The following ITPRID1 variants were observed in gnomAD, a reference collection of about 807,000 sequenced individuals.
ITPRID1 encodes the protein protein ITPRID1.
ITPRID1 carries 96 observed loss-of-function variants against 95.4 expected under a neutral mutation model. The ratio of observed to expected loss-of-function variants is 1.01; its 90% CI spans 0.85 to 1.19. The LOEUF (loss-of-function observed/expected upper bound fraction) is 1.19, where lower values mean the gene tolerates loss of function less well. Ranked by LOEUF, ITPRID1 falls within the 50% of genes most tolerant of loss-of-function variation. The pLI is 0.00. For missense variants in ITPRID1, 1,339 were observed against 1,252.9 expected (o/e 1.07, Z -1.04); for synonymous variants, 510 against 453.6 (o/e 1.12, Z -1.58).
At chr7:31,647,710 A>AGAC (rs1554299906) in intron 12 of ITPRID1, among the ~76,000 whole-genome samples, 4 of 149,668 alleles carry the variant, frequency 2.7e-5, no homozygotes, top group Non-Finnish European at 4.5e-5. Flanking sequence ...AGGAAGAAGA[A>AGAC]GACGATGACG....
At chr7:31,610,518 T>C (rs539854912) in intron 10 of ITPRID1, among the ~76,000 whole-genome samples, 1 of 151,746 alleles carries the variant, frequency 6.6e-6, no homozygotes, top group Admixed American at 6.6e-5. Flanking sequence ...GTTGGTCTTC[T>C]AATTGTTTCA....
At chr7:31,600,272 A>G (rs1786336693) in intron 10 of ITPRID1, among the ~76,000 whole-genome samples, 1 of 152,212 alleles carries the variant, frequency 6.6e-6, no homozygotes, top group Non-Finnish European at 1.5e-5. Context: ...ATATAACAAT[A>G]TGTATCAGAA....
intron 10 of ITPRID1, among the ~76,000 whole-genome samples, chr7:31,611,941 C>T (rs1045286897): frequency 6.6e-6 from 1 of 151,726 alleles, no homozygotes; most frequent in Admixed American, 6.6e-5. Context: ...ATTCTTTATG[C>T]CTTTTTCTTT....
intron 1 of ITPRID1, among the ~76,000 whole-genome samples, chr7:31,538,655 T>C (rs752296958): frequency 6.6e-6 from 1 of 152,244 alleles, no homozygotes; most frequent in East Asian, 1.9e-4. Context: ...ATATTTTTCA[T>C]AATTACATTT....
At chr7:31,587,092 C>A (rs1366316908) in intron 10 of ITPRID1, among the ~76,000 whole-genome samples, 1 of 152,110 alleles carries the variant, frequency 6.6e-6, no homozygotes, top group South Asian at 2.1e-4. Context: ...ACAGGGATGC[C>A]CTCTCTCACC....
chr7:31,526,386 G>A (rs1000868246), intron 1 of ITPRID1, among the ~76,000 whole-genome samples: 4 of 152,150 alleles, frequency 2.6e-5, no homozygotes, highest in African/African-American at 4.8e-5. Context: ...CCTACGTTGC[G>A]AGTCAGAGAG....
chr7:31,547,581 G>A (rs1015107941), intron 1 of ITPRID1, among the ~76,000 whole-genome samples: 11 of 152,036 alleles, frequency 7.2e-5, no homozygotes, highest in African/African-American at 2.4e-4. Context: ...CTCGATATGG[G>A]GACTATAGGA....
In ITPRID1 at chr7:31,555,527, AT is replaced by A. The variant is rs1259762121; in HGVS notation, c.256+630del. Among the ~76,000 whole-genome samples, 5 of 125,240 alleles carry A rather than the reference AT, an allele frequency of 4.0e-5. No homozygotes were observed. The South Asian group carries it at 8.6e-4, about 21-fold the overall frequency. The allele number at this position is 125,240 out of a possible 152,430, so 82.2% of individuals were successfully genotyped here. On this transcript the variant is annotated intron_variant, in intron 5 of 14. Transcript: ENST00000615280. Reference sequence around the variant, plus strand: ...CCCTTCAATTATAAAATGCATTCATATTTTAAGTACCATTTAGAAAAAAAAA... The same window carrying A: ...CCCTTCAATTATAAAATGCATTCATATTTAAGTACCATTTAGAAAAAAAAA...
At chr7:31,545,030 G>A (rs1300529600) in intron 1 of ITPRID1, among the ~76,000 whole-genome samples, 2 of 152,140 alleles carry the variant, frequency 1.3e-5, no homozygotes, top group African/African-American at 4.8e-5. Flanking sequence ...GGTGGGAAAG[G>A]CAGAGATGAA....
chr7:31,539,904 C>G (rs12667113), intron 1 of ITPRID1, among the ~76,000 whole-genome samples: 37,416 of 151,358 alleles, frequency 0.25, 4,797 homozygotes, highest in Middle Eastern at 0.36. Flanking sequence ...TGTATCTGAT[C>G]GGGGAGGGGT....
chr7:31,519,618 C>CTATA (rs1436134437), intron 1 of ITPRID1, among the ~76,000 whole-genome samples: 114 of 31,680 alleles, frequency 3.6e-3, no homozygotes, highest in Non-Finnish European at 5.5e-3. Context: ...CTCTCTCTCT[C>CTATA]TCTATATATA....
chr7:31,529,982 A>G (rs1194665944), intron 1 of ITPRID1, among the ~76,000 whole-genome samples: 1 of 152,090 alleles, frequency 6.6e-6, no homozygotes, highest in East Asian at 1.9e-4. Flanking sequence ...GGTGATTCCT[A>G]GGAAGAAAAA....
Position 31,651,201 on chromosome 7 carries a change from A to G in ITPRID1, c.2643A>G (p.Leu881=). Residue 881 remains leucine (L), a synonymous_variant, in exon 13 of 15, where the codon TTA becomes TTG. Coordinates refer to ENST00000615280, the MANE Select transcript of ITPRID1 (RefSeq NM_001257967.3). ...TATGCCAAAGTTTCCGGGAGTATTT[A>G]GAAGAAATTGAACAGCACCTTATGG... ...KTICQSFREY[L]EEIEQHLMGQ... is the part of the protein sequence containing the mutation. 1.2e-6 allele frequency: 2 copies of G among 1,613,672 alleles called. No individual in the cohort carries two copies. The highest frequency in any genetic ancestry group is 2.2e-5 in the East Asian group (1 of 44,870).
At chr7:31,595,125 G>A (rs1171318935) in intron 10 of ITPRID1, among the ~76,000 whole-genome samples, 2 of 141,564 alleles carry the variant, frequency 1.4e-5, no homozygotes, top group Non-Finnish European at 3.0e-5. Context: ...AGGCTGGAGT[G>A]CAACCGCCTC....
intron 1 of ITPRID1, among the ~76,000 whole-genome samples, chr7:31,523,013 T>C (rs1291053486): frequency 6.6e-6 from 1 of 152,194 alleles, no homozygotes; most frequent in Non-Finnish European, 1.5e-5. Flanking sequence ...TCTTCATCTG[T>C]GCAATGTAGA....
chr7:31,536,383 T>G (rs570904706), intron 1 of ITPRID1, among the ~76,000 whole-genome samples: 3 of 152,302 alleles, frequency 2.0e-5, no homozygotes. Flanking sequence ...TTTTCCATGT[T>G]TTCAGCTAGA....
intron 1 of ITPRID1, among the ~76,000 whole-genome samples, chr7:31,523,465 C>G (rs1328950895): frequency 8.5e-5 from 13 of 152,130 alleles, no homozygotes; most frequent in Admixed American, 2.6e-4. Flanking sequence ...TCAGAGATAT[C>G]CAATAGTAAT....
chr7:31,520,871 T>C (rs2128127052), intron 1 of ITPRID1, among the ~76,000 whole-genome samples: 1 of 152,074 alleles, frequency 6.6e-6, no homozygotes, highest in East Asian at 1.9e-4. Context: ...CCATCTCTAA[T>C]CCATTCCTAC....
intron 1 of ITPRID1, among the ~76,000 whole-genome samples, chr7:31,526,538 G>T (rs952518121): frequency 1.3e-5 from 2 of 152,186 alleles, no homozygotes; most frequent in African/African-American, 4.8e-5. Context: ...GACTTTAACT[G>T]TGAGGCTTGG....
Sources: gnomAD v4.1 joint callset for allele counts (sites outside exome capture counted in the v4.1 genomes callset) on GRCh38, gnomAD v4.1.1 for gene constraint, MANE v1.5 for transcripts, NCBI Gene and HGNC (gene_info 2026-07-23, HGNC 2026-07-21) for gene names.